The following SCFD2 variants were observed in gnomAD, a reference collection of about 807,000 sequenced individuals.
SCFD2 encodes the protein sec1 family domain containing 2, also known as sec1 family domain-containing protein 2.
Under a neutral mutation model 58.9 loss-of-function variants are expected in SCFD2, and 54 were observed. The ratio of observed to expected loss-of-function variants is 0.92; its 90% CI spans 0.74 to 1.15. The LOEUF (loss-of-function observed/expected upper bound fraction) is 1.15, where lower values mean the gene tolerates loss of function less well. Among genes scored for constraint, SCFD2 ranks in the 50% most tolerant of loss-of-function variants. SCFD2 has a pLI of 0.00. For missense variants in SCFD2, 805 were observed against 836.6 expected (o/e 0.96, Z 0.47); for synonymous variants, 321 against 335.9 (o/e 0.96, Z 0.49).
intron 3 of SCFD2, among the ~76,000 whole-genome samples, chr4:53,287,402 G>A (rs563947216): frequency 1.9e-4 from 29 of 152,198 alleles, no homozygotes; most frequent in Middle Eastern, 3.4e-3. Context: ...CTTACCACTG[G>A]GAACCCTAAC....
chr4:53,323,734 A>G (rs1733095380), intron 2 of SCFD2, among the ~76,000 whole-genome samples: 1 of 151,858 alleles, frequency 6.6e-6, no homozygotes, highest in South Asian at 2.1e-4. Context: ...AAGCATTTTC[A>G]ATATAGTAAG....
chr4:52,948,195 A>C (rs1254373395), intron 5 of SCFD2: 4 of 227,762 alleles, frequency 1.8e-5, no homozygotes, highest in Non-Finnish European at 8.9e-6. Context: ...GATAAAGGCT[A>C]TTACATGCCT....
At position 53,218,685 on chromosome 4, in the gene SCFD2, C is replaced by T. The variant is rs115048310; in HGVS notation, c.1311+55141G>A. Among the ~76,000 whole-genome samples the T allele has an allele frequency of 7.4e-3, 1,126 of 152,304 alleles. 7 individuals carry two copies. The highest frequency in any genetic ancestry group is 0.026 in the African/African-American group (1,066 of 41,556). On this transcript the variant is annotated intron_variant, in intron 4 of 8. Coordinates refer to ENST00000401642, the MANE Select transcript of SCFD2 (RefSeq NM_152540.4). Reference sequence around the variant, plus strand: ...TCCAGCTTTCTTCCGTTGCTGGCGACGAGCTGCATTCCTTTGGAGGGGGAG... The same window carrying T: ...TCCAGCTTTCTTCCGTTGCTGGCGATGAGCTGCATTCCTTTGGAGGGGGAG...
At chr4:53,225,425 A>T (rs1176612860) in intron 4 of SCFD2, among the ~76,000 whole-genome samples, 2 of 152,226 alleles carry the variant, frequency 1.3e-5, no homozygotes, top group Non-Finnish European at 2.9e-5. Context: ...GCCACATTTT[A>T]AAAATCATTT....
At chr4:53,259,639 G>T (rs1203865051) in intron 4 of SCFD2, among the ~76,000 whole-genome samples, 1 of 152,138 alleles carries the variant, frequency 6.6e-6, no homozygotes, top group Non-Finnish European at 1.5e-5. Flanking sequence ...AGTATAGTTT[G>T]AATTCGGGTA....
At chr4:53,335,353 T>TA (rs778182409) in intron 2 of SCFD2, among the ~76,000 whole-genome samples, 4 of 152,202 alleles carry the variant, frequency 2.6e-5, no homozygotes, top group Non-Finnish European at 5.9e-5. Context: ...TACTGGTCTG[T>TA]ATTCTTCAAA....
intron 5 of SCFD2, among the ~76,000 whole-genome samples, chr4:52,960,634 G>C (rs1303238642): frequency 6.6e-6 from 1 of 152,028 alleles, no homozygotes; most frequent in African/African-American, 2.4e-5. Flanking sequence ...CTCCCAAAGT[G>C]TTGGGATTAC....
chr4:53,234,157 G>T (rs1729523578), intron 4 of SCFD2, among the ~76,000 whole-genome samples: 2 of 152,100 alleles, frequency 1.3e-5, no homozygotes, highest in Admixed American at 1.3e-4. Flanking sequence ...CATTACAAAA[G>T]AAATTGTATG....
intron 4 of SCFD2, among the ~76,000 whole-genome samples, chr4:53,236,259 C>T (rs193022485): frequency 1.4e-4 from 22 of 152,196 alleles, no homozygotes; most frequent in Admixed American, 1.4e-3. Context: ...CCTCGAACAT[C>T]GAACTCTCAA....
chr4:52,894,837 A>G (rs1394970167), intron 7 of SCFD2, among the ~76,000 whole-genome samples: 17 of 152,230 alleles, frequency 1.1e-4, no homozygotes, highest in Admixed American at 1.1e-3. Context: ...CATCTGGCTT[A>G]CTTTATGGGA....
At chr4:53,252,093 G>C (rs1288109393) in intron 4 of SCFD2, among the ~76,000 whole-genome samples, 2 of 149,386 alleles carry the variant, frequency 1.3e-5, no homozygotes, top group East Asian at 3.9e-4. Context: ...ACCAATAACA[G>C]ACAAACAGAG....
intron 8 of SCFD2, among the ~76,000 whole-genome samples, chr4:52,883,562 T>A (rs1718668339): frequency 6.6e-6 from 1 of 152,192 alleles, no homozygotes; most frequent in African/African-American, 2.4e-5. Context: ...GGGGCTCTGT[T>A]GTCAAACTCA....
chr4:52,988,899 A>G (rs534351430), intron 5 of SCFD2, among the ~76,000 whole-genome samples: 1 of 152,290 alleles, frequency 6.6e-6, no homozygotes, highest in Admixed American at 6.5e-5. Flanking sequence ...TACTGTAAAG[A>G]TATGTATGAC....
chr4:52,951,937 G>A (rs79319999), intron 5 of SCFD2, among the ~76,000 whole-genome samples: 3,328 of 152,264 alleles, frequency 0.022, 57 homozygotes, highest in Admixed American at 0.053. Flanking sequence ...TTAAAAAAGG[G>A]AGCTGGATTA....
At position 53,230,318 on chromosome 4, in the gene SCFD2, C is replaced by T. The variant is rs185709858; in HGVS notation, c.1311+43508G>A. ...AATCATGCTGCTACAAAGACACATGCACATGTATGTTTATTGCGGCACTAT... is the reference window on the plus strand; with the variant it reads ...AATCATGCTGCTACAAAGACACATGTACATGTATGTTTATTGCGGCACTAT... On this transcript the variant is annotated intron_variant, in intron 4 of 8. Transcript: ENST00000401642. 2.6e-3 allele frequency among the ~76,000 whole-genome samples: 400 copies of T among 152,252 alleles called. 5 individuals carry two copies. Among genetic ancestry groups the T allele is most frequent in the Non-Finnish European group, 9.3e-4 (63 of 68,018 alleles).
chr4:53,119,319 A>C (rs1191328390), intron 5 of SCFD2, among the ~76,000 whole-genome samples: 1 of 45,842 alleles, frequency 2.2e-5, no homozygotes, highest in Non-Finnish European at 5.0e-5. Flanking sequence ...CTCCATCTCA[A>C]AAAAAAAAAA....
At chr4:52,990,152 T>A (rs1721586285) in intron 5 of SCFD2, among the ~76,000 whole-genome samples, 2 of 152,170 alleles carry the variant, frequency 1.3e-5, no homozygotes, top group Non-Finnish European at 2.9e-5. Flanking sequence ...GGGTCAAAAA[T>A]GAAAGAGACA....
chr4:53,365,174 T>C lies in SCFD2; in HGVS notation c.768A>G (p.Ala256=), dbSNP rs755760862. Residue 256 remains alanine, a synonymous_variant, in exon 1 of 9, where the codon GCA becomes GCG. Coordinates refer to ENST00000401642, the MANE Select transcript of SCFD2 (RefSeq NM_152540.4). This position sits in a 1 kb window ranked among gnomAD's most constrained non-coding sequence, Gnocchi z 4.3. ...CTGCAGCAGTCTTCTTCCTGTTCTT[T>C]GCAGGGGCATAATTGGCCAGATCCG... ...IAADLANYAP[A]KNRKKTAAGR... 5.6e-6 allele frequency: 9 copies of C among 1,614,256 alleles called. No individual in the cohort carries two copies. Among genetic ancestry groups the C allele is most frequent in the Non-Finnish European group, 7.6e-6 (9 of 1,180,046 alleles).
Position 52,873,803 on chromosome 4 carries a change from C to A in SCFD2, c.*166G>T. On this transcript the variant is annotated 3_prime_UTR_variant, in exon 9 of 9. Transcript: ENST00000401642. ...TTTTTTTTTTAAGAATCACAGCAAT[C>A]CAAGCAAAGTACCTCACTGAGTAGG... is the stretch of plus-strand genomic sequence containing the variant. 1 of 426,006 alleles carries A rather than the reference C, an allele frequency of 2.3e-6. No homozygotes were observed. Among genetic ancestry groups the A allele is most frequent in the Non-Finnish European group, 4.2e-6 (1 of 239,516 alleles). 26.4% of individuals were successfully genotyped at this position (426,006 alleles called of 1,614,324 possible). A position where few individuals can be genotyped will look rare whatever the true frequency, so the allele number is the denominator to read the frequency against.
Sources: allele counts gnomAD v4.1 joint callset (sites outside exome capture counted in the v4.1 genomes callset), GRCh38; gene constraint gnomAD v4.1.1; non-coding constraint Gnocchi (gnomAD v3.1); transcripts MANE v1.5; gene names NCBI Gene and HGNC (gene_info 2026-07-23, HGNC 2026-07-21).